ATP13A4: variants seen among roughly 807,000 people sequenced by gnomAD.
The protein encoded by ATP13A4 is probable cation-transporting ATPase 13A4.
Under a neutral mutation model 142.5 loss-of-function variants are expected in ATP13A4, and 114 were observed. That is an observed-to-expected ratio of 0.80 (90% confidence interval 0.69 to 0.93). The LOEUF (loss-of-function observed/expected upper bound fraction) is 0.93. ATP13A4 is among the 40% of genes least tolerant of loss of function. The pLI is 0.00. For missense variants in ATP13A4, 1,392 were observed against 1,454.0 expected, an observed-to-expected ratio of 0.96 and a Z score of 0.69; for synonymous variants, 488 against 514.8, an observed-to-expected ratio of 0.95 and a Z score of 0.70.
chr3:193,409,612 T>A (rs536784299), intron 28 of ATP13A4, among the ~76,000 whole-genome samples: 1 of 152,380 alleles, frequency 6.6e-6, no homozygotes, highest in South Asian at 2.1e-4. Context: ...AGCCTACTTA[T>A]TTCCATGAAT....
chr3:193,460,783 A>C (rs1717903475), intron 13 of ATP13A4, among the ~76,000 whole-genome samples: 1 of 152,236 alleles, frequency 6.6e-6, no homozygotes, highest in African/African-American at 2.4e-5. Flanking sequence ...AGCACAGCAA[A>C]TACATAAAGC....
At chr3:193,506,592 TG>T (rs1720871500) in intron 2 of ATP13A4, among the ~76,000 whole-genome samples, 1 of 152,192 alleles carries the variant, frequency 6.6e-6, no homozygotes, top group African/African-American at 2.4e-5. Flanking sequence ...TCTCGTGATA[TG>T]GTTTGGCGGT....
chr3:193,582,771 T>C (rs867590979), intron 1 of ATP13A4, among the ~76,000 whole-genome samples: 1 of 50,718 alleles, frequency 2.0e-5, no homozygotes, highest in East Asian at 4.9e-4. Context: ...TATATGTATA[T>C]TACATATATA....
intron 1 of ATP13A4, among the ~76,000 whole-genome samples, chr3:193,538,043 A>G (rs1290843987): frequency 6.6e-6 from 1 of 152,184 alleles, no homozygotes; most frequent in Non-Finnish European, 1.5e-5. Context: ...GACTGTATCA[A>G]TGTCACTATA....
In ATP13A4 at chr3:193,442,449, C is replaced by A. The variant is rs1434356441; in HGVS notation, c.2260G>T (p.Ala754Ser). 1 of 1,614,100 alleles carries A rather than the reference C, an allele frequency of 6.2e-7. No homozygotes were observed. The highest frequency in any genetic ancestry group is 8.5e-7 in the Non-Finnish European group (1 of 1,179,942). The change falls in exon 19 of 30, where the codon GCA becomes TCA. Residue 754 changes from alanine (A) to serine (S), a missense_variant. By Grantham distance (99) the Ala-to-Ser change is moderately conservative. Coordinates refer to ENST00000342695, the MANE Select transcript of ATP13A4 (RefSeq NM_032279.4). ...EANETTGSSS[A>S]SISWTLVEEK... is the part of the protein sequence containing the mutation. Reference sequence around the variant, plus strand: ...TCTACTAACGTCCAAGATATAGATGCTGATGAGGACCCGGTGGTTTCATTT... The same window carrying A: ...TCTACTAACGTCCAAGATATAGATGATGATGAGGACCCGGTGGTTTCATTT...
chr3:193,465,781 G>A (rs1718240286), intron 11 of ATP13A4, among the ~76,000 whole-genome samples: 1 of 152,208 alleles, frequency 6.6e-6, no homozygotes, highest in African/African-American at 2.4e-5. Context: ...GTGAGGAAAA[G>A]AGAAGTACAC....
intron 1 of ATP13A4, among the ~76,000 whole-genome samples, chr3:193,522,946 G>A (rs985382109): frequency 6.6e-6 from 1 of 152,064 alleles, no homozygotes; most frequent in African/African-American, 2.4e-5. Flanking sequence ...CCAGTTTCTG[G>A]CACACAGCAA....
intron 2 of ATP13A4, among the ~76,000 whole-genome samples, chr3:193,575,847 AG>A (rs1461327981): frequency 6.6e-6 from 1 of 152,218 alleles, no homozygotes; most frequent in Non-Finnish European, 1.5e-5. Context: ...GAAGGATAAC[AG>A]ATGCCATTTC....
chr3:193,506,135 T>A (rs552368820), intron 2 of ATP13A4, among the ~76,000 whole-genome samples: 1 of 152,298 alleles, frequency 6.6e-6, no homozygotes, highest in East Asian at 1.9e-4. Flanking sequence ...GTCTCTCAAT[T>A]TTTCCTTTTT....
intron 8 of ATP13A4, among the ~76,000 whole-genome samples, chr3:193,474,049 G>C (rs1355263650): frequency 6.6e-6 from 1 of 152,104 alleles, no homozygotes; most frequent in Non-Finnish European, 1.5e-5. Context: ...GCCAGGCGCG[G>C]TGGCTCACAC....
At chr3:193,572,730 G>A (rs898580662) in intron 2 of ATP13A4, among the ~76,000 whole-genome samples, 28 of 152,038 alleles carry the variant, frequency 1.8e-4, no homozygotes, top group African/African-American at 6.3e-4. Context: ...ACTATGCACC[G>A]CTGAGTGGTC....
At chr3:193,431,164 A>T (rs953447578) in intron 25 of ATP13A4, among the ~76,000 whole-genome samples, 2 of 152,140 alleles carry the variant, frequency 1.3e-5, no homozygotes, top group African/African-American at 4.8e-5. Flanking sequence ...AGTAGAATGT[A>T]AGCTCCATAA....
rs533429286 is a variant in ATP13A4 at position 193,561,950 on chromosome 3, C to T, written n.291+19757G>A. On this transcript the variant is annotated intron_variant and non_coding_transcript_variant, in intron 2 of 3. Transcript: ENST00000489140. ...GGGATCATCACTGTACTTCTCCCTC[C>T]GCGGGAAATGGAGTCCAATCCTCTC... 3.3e-5 allele frequency among the ~76,000 whole-genome samples: 5 copies of T among 152,304 alleles called. No individual in the cohort carries two copies. The South Asian group carries it at 6.2e-4, about 19-fold the overall frequency.
chr3:193,530,838 C>A (rs1379922149), intron 1 of ATP13A4, among the ~76,000 whole-genome samples: 1 of 152,254 alleles, frequency 6.6e-6, no homozygotes, highest in East Asian at 1.9e-4. Flanking sequence ...CTCTTTAGAA[C>A]AGCACATAAA....
At chr3:193,529,176 A>G (rs2108700267) in intron 1 of ATP13A4, among the ~76,000 whole-genome samples, 1 of 152,136 alleles carries the variant, frequency 6.6e-6, no homozygotes, top group Admixed American at 6.6e-5. Context: ...AGGCTGAGGC[A>G]GGAGAATCGC....
rs1720026662 is a variant in ATP13A4, at chr3:193,493,009, A to G, written c.453-12T>C. The G allele has an allele frequency of 6.2e-6, 10 of 1,605,528 alleles. No homozygotes were observed. The highest frequency in any genetic ancestry group is 8.5e-6 in the Non-Finnish European group (10 of 1,172,910). ...AGTCTTCCAAAGAACTAAAATAATA[A>G]TAATGAAAAGAACATATTTAGCAAT... On this transcript the variant is annotated splice_polypyrimidine_tract_variant and intron_variant, in intron 4 of 29. Transcript: ENST00000342695.
chr3:193,441,719 AAG>A, intron 19 of ATP13A4, 131 bp from the exon 20 acceptor site: 3 of 1,102,674 alleles, frequency 2.7e-6, no homozygotes, highest in Non-Finnish European at 4.0e-6. Flanking sequence ...TTCCTCAGAG[AAG>A]CATTTTCTTT....
chr3:193,407,644 TTTC>T (rs1186773234), intron 28 of ATP13A4, among the ~76,000 whole-genome samples: 2 of 152,210 alleles, frequency 1.3e-5, no homozygotes, highest in Non-Finnish European at 2.9e-5. Context: ...TTTATCTTTT[TTTC>T]TTCTTGTGAT....
chr3:193,426,335 T>A (rs571604564), intron 25 of ATP13A4, among the ~76,000 whole-genome samples: 1 of 151,792 alleles, frequency 6.6e-6, no homozygotes, highest in South Asian at 2.1e-4. Flanking sequence ...ACTACAAAAC[T>A]TTGTTGAAAG....
Sources: allele counts gnomAD v4.1 joint callset (sites outside exome capture counted in the v4.1 genomes callset), GRCh38; gene constraint gnomAD v4.1.1; transcripts MANE v1.5; gene names NCBI Gene and HGNC (gene_info 2026-07-23, HGNC 2026-07-21).